Variants in STK32B observed in about 807,000 individuals in gnomAD.
STK32B encodes serine/threonine kinase 32B.
A neutral mutation model predicts 52.6 loss-of-function variants in STK32B; 43 were observed. That is an observed-to-expected ratio of 0.82 (90% CI 0.64 to 1.05). STK32B has a LOEUF of 1.05. STK32B is among the 50% of genes least tolerant of loss of function. The pLI, the probability that STK32B is intolerant of heterozygous loss-of-function variation, is 0.00. For synonymous variants in STK32B, 238 were observed against 204.3 expected, an observed-to-expected ratio of 1.17 and a Z score of -1.41; for missense variants, 621 against 534.6, an observed-to-expected ratio of 1.16 and a Z score of -1.59.
At chr4:5,334,236 G>A (rs1732472207) in intron 4 of STK32B, among the ~76,000 whole-genome samples, 1 of 151,916 alleles carries the variant, frequency 6.6e-6, no homozygotes, top group Non-Finnish European at 1.5e-5. Flanking sequence ...TGTCTTTGAA[G>A]CAATTGTGAA....
intron 6 of STK32B, among the ~76,000 whole-genome samples, chr4:5,418,948 G>A (rs568434369): frequency 6.6e-6 from 1 of 152,218 alleles, no homozygotes; most frequent in Non-Finnish European, 1.5e-5. Flanking sequence ...ACCTCCCTGA[G>A]CCCTTGGCAA....
chr4:5,317,402 A>T (rs1577339646), intron 3 of STK32B, among the ~76,000 whole-genome samples: 2 of 84,566 alleles, frequency 2.4e-5, no homozygotes, highest in Admixed American at 1.6e-4. Flanking sequence ...TAATATATAT[A>T]ATGTATATGT....
intron 3 of STK32B, among the ~76,000 whole-genome samples, chr4:5,208,316 A>C (rs779295156): frequency 3.3e-5 from 5 of 152,188 alleles, no homozygotes; most frequent in Non-Finnish European, 5.9e-5. Context: ...GAAAGGAAGG[A>C]GCGCCGGATA....
chr4:5,331,305 G>A lies in STK32B; in HGVS notation c.346G>A (p.Val116Met), dbSNP rs776726197. ...GDLRYHLQQN[V>M]HFTEGTVKLY... is the part of the protein sequence containing the mutation. ...CCTGCGCTACCATCTGCAGCAGAAT[G>A]TGCATTTCACAGAGGGGACTGTGAA... The change falls in exon 4 of 12, where the codon GTG (valine) becomes ATG (methionine). Residue 116 changes from valine (V) to methionine (M), a missense_variant. Val to Met is a conservative substitution (Grantham distance 21). Coordinates refer to ENST00000282908, the MANE Select transcript of STK32B (RefSeq NM_018401.3). 1 of 1,614,002 alleles carries A rather than the reference G, an allele frequency of 6.2e-7. No homozygotes were observed. Among genetic ancestry groups the A allele is most frequent in the South Asian group, 1.1e-5 (1 of 91,052 alleles).
At position 5,500,835 on chromosome 4, in the gene STK32B, A is replaced by G. The variant is rs551026705; in HGVS notation, c.*1752A>G. Reference sequence around the variant, plus strand: ...AAATAAGGGGCCTGCTCCTCTCCCTACTGTGACCCTGGAGGCTCTTAAGAT... The same window carrying G: ...AAATAAGGGGCCTGCTCCTCTCCCTGCTGTGACCCTGGAGGCTCTTAAGAT... On this transcript the variant is annotated 3_prime_UTR_variant, in exon 12 of 12. Coordinates refer to ENST00000282908, the MANE Select transcript of STK32B (RefSeq NM_018401.3). 3.3e-5 allele frequency: 5 copies of G among 152,144 alleles called. No individual in the cohort carries two copies. Among genetic ancestry groups the G allele is most frequent in the African/African-American group, 7.2e-5 (3 of 41,502 alleles). 9.4% of individuals were successfully genotyped at this position (152,144 alleles called of 1,614,324 possible).
intron 3 of STK32B, among the ~76,000 whole-genome samples, chr4:5,223,655 T>C (rs1180071838): frequency 6.6e-6 from 1 of 151,078 alleles, no homozygotes; most frequent in African/African-American, 2.4e-5. Context: ...CTACCAAAAA[T>C]ACAAAAACAA....
intron 2 of STK32B, among the ~76,000 whole-genome samples, chr4:5,152,610 G>A (rs550973237): frequency 2.0e-5 from 3 of 152,398 alleles, no homozygotes; most frequent in African/African-American, 4.8e-5. Context: ...AGTGCAGAGT[G>A]TGTGTCTGGT....
At chr4:5,119,194 G>C (rs1220561257) in intron 1 of STK32B, among the ~76,000 whole-genome samples, 2 of 152,208 alleles carry the variant, frequency 1.3e-5, no homozygotes, top group East Asian at 3.8e-4. Context: ...ACCCTCACAG[G>C]CTGGTGGTTT....
intron 4 of STK32B, among the ~76,000 whole-genome samples, chr4:5,342,728 C>T (rs547935087): frequency 6.6e-6 from 1 of 152,178 alleles, no homozygotes; most frequent in African/African-American, 2.4e-5. Flanking sequence ...TCTGTAAATT[C>T]TCTAAGGGCA....
At chr4:5,154,638 C>T (rs930929654) in intron 2 of STK32B, among the ~76,000 whole-genome samples, 2 of 152,180 alleles carry the variant, frequency 1.3e-5, no homozygotes, top group African/African-American at 2.4e-5. Context: ...GAGGCCCTTC[C>T]TGTGTCTGGT....
At chr4:5,452,993 A>G (rs541468805) in intron 7 of STK32B, among the ~76,000 whole-genome samples, 19 of 152,172 alleles carry the variant, frequency 1.2e-4, no homozygotes, top group Admixed American at 9.2e-4. Flanking sequence ...TGATCTTAAT[A>G]TTTGCCAGTC....
At chr4:5,243,975 G>T (rs1009848207) in intron 3 of STK32B, among the ~76,000 whole-genome samples, 15 of 152,068 alleles carry the variant, frequency 9.9e-5, no homozygotes, top group African/African-American at 3.4e-4. Flanking sequence ...GCTGGATTCA[G>T]TTTGCCAGTA....
chr4:5,307,546 A>ATTTTT (rs769423490), intron 3 of STK32B, among the ~76,000 whole-genome samples: 2 of 131,096 alleles, frequency 1.5e-5, no homozygotes, highest in East Asian at 2.2e-4. Flanking sequence ...CATATGCTCT[A>ATTTTT]TCTTTTTTTT....
chr4:5,317,515 A>G (rs1560314358), intron 3 of STK32B, among the ~76,000 whole-genome samples: 4 of 98,192 alleles, frequency 4.1e-5, no homozygotes, highest in Non-Finnish European at 6.8e-5. Context: ...TATGTATAAT[A>G]TATTTATTAT....
chr4:5,387,523 G>T (rs1041840576), intron 4 of STK32B, among the ~76,000 whole-genome samples: 7 of 152,190 alleles, frequency 4.6e-5, no homozygotes, highest in African/African-American at 1.4e-4. Flanking sequence ...CCCAAACTGA[G>T]AGGTGACGGG....
chr4:5,326,157 A>T (rs1362583790), intron 3 of STK32B, among the ~76,000 whole-genome samples: 1 of 152,160 alleles, frequency 6.6e-6, no homozygotes, highest in Non-Finnish European at 1.5e-5. Flanking sequence ...ATGCCCTTTG[A>T]CAGTTTAGCT....
At chr4:5,088,311 A>G (rs550107600) in intron 1 of STK32B, among the ~76,000 whole-genome samples, 1 of 152,230 alleles carries the variant, frequency 6.6e-6, no homozygotes. Context: ...ACTCATGGAC[A>G]TAGAGAGTAG....
intron 3 of STK32B, among the ~76,000 whole-genome samples, chr4:5,218,940 G>A (rs115132293): frequency 2.8e-4 from 42 of 152,220 alleles, no homozygotes; most frequent in African/African-American, 9.9e-4. Context: ...GCCCCACTGA[G>A]CTTGTTTTCT....
At chr4:5,480,640 G>C (rs1293833182) in intron 11 of STK32B, among the ~76,000 whole-genome samples, 1 of 151,928 alleles carries the variant, frequency 6.6e-6, no homozygotes, top group African/African-American at 2.4e-5. Context: ...GTGCAGGTTA[G>C]TTACATTTGT....
Sources: gnomAD v4.1 joint callset for allele counts (sites outside exome capture counted in the v4.1 genomes callset) on GRCh38, gnomAD v4.1.1 for gene constraint, MANE v1.5 for transcripts, NCBI Gene and HGNC (gene_info 2026-07-23, HGNC 2026-07-21) for gene names.